Variants in CCSER1 observed in about 807,000 individuals in gnomAD.
The protein encoded by CCSER1 is coiled-coil serine rich protein 1, also known as serine-rich coiled-coil domain-containing protein 1.
In CCSER1, 41 loss-of-function variants were observed where a neutral mutation model predicts 82.0. That is an observed-to-expected ratio of 0.50 (90% CI 0.39 to 0.65). The LOEUF is 0.65. Among genes scored for constraint, CCSER1 ranks in the 30% least tolerant of loss-of-function variants. The pLI is 0.00. For missense variants in CCSER1, 1,119 were observed against 1,064.2 expected (o/e 1.05, Z -0.72); for synonymous variants, 414 against 383.9 (o/e 1.08, Z -0.92).
At chr4:91,306,392 A>G (rs1745075342) in intron 10 of CCSER1, among the ~76,000 whole-genome samples, 1 of 152,060 alleles carries the variant, frequency 6.6e-6, no homozygotes, top group Middle Eastern at 3.2e-3. Flanking sequence ...AAAAAAATAT[A>G]AAGAATTAGT....
intron 9 of CCSER1, among the ~76,000 whole-genome samples, chr4:91,045,016 C>A (rs867796107): frequency 6.6e-6 from 1 of 152,096 alleles, no homozygotes; most frequent in Non-Finnish European, 1.5e-5. Flanking sequence ...TATTATATTA[C>A]TCTTTATTGG....
chr4:90,844,097 TTGTG>T (rs374626530), intron 8 of CCSER1, among the ~76,000 whole-genome samples: 1 of 149,564 alleles, frequency 6.7e-6, no homozygotes, highest in Admixed American at 6.7e-5. Flanking sequence ...CTTCCTCTGT[TTGTG>T]TGTGTGTGTG....
chr4:90,427,233 A>C (rs1757646269), intron 4 of CCSER1, among the ~76,000 whole-genome samples: 3 of 152,018 alleles, frequency 2.0e-5, no homozygotes, highest in Admixed American at 1.3e-4. Flanking sequence ...CTAACATTGG[A>C]GAATTCGGAC....
intron 10 of CCSER1, among the ~76,000 whole-genome samples, chr4:91,173,467 G>A (rs1386710544): frequency 2.0e-5 from 3 of 151,970 alleles, no homozygotes; most frequent in Non-Finnish European, 2.9e-5. Flanking sequence ...GGTGGCATGC[G>A]CCTATAGCCC....
chr4:91,460,567 G>A (rs746408427), intron 10 of CCSER1, among the ~76,000 whole-genome samples: 5 of 152,120 alleles, frequency 3.3e-5, no homozygotes, highest in Non-Finnish European at 7.4e-5. Context: ...TGATGATGGT[G>A]ATGATGATGA....
intron 10 of CCSER1, among the ~76,000 whole-genome samples, chr4:91,258,866 G>A (rs1029306592): frequency 3.3e-5 from 5 of 151,996 alleles, no homozygotes; most frequent in Admixed American, 6.6e-5. Context: ...ACTTGTCCAT[G>A]GTCATCAATG....
intron 3 of CCSER1, among the ~76,000 whole-genome samples, chr4:90,332,567 A>G (rs1008050628): frequency 7.9e-5 from 12 of 152,202 alleles, no homozygotes; most frequent in East Asian, 1.9e-4. Flanking sequence ...CATAGTTACA[A>G]GGAAGTTAGA....
chr4:91,346,207 G>A (rs1456397110), intron 10 of CCSER1, among the ~76,000 whole-genome samples: 1 of 152,028 alleles, frequency 6.6e-6, no homozygotes, highest in Non-Finnish European at 1.5e-5. Flanking sequence ...AGTAGAGACA[G>A]GGTTTCACCA....
intron 6 of CCSER1, among the ~76,000 whole-genome samples, chr4:90,708,130 G>A (rs1739753577): frequency 1.3e-5 from 2 of 152,060 alleles, no homozygotes; most frequent in East Asian, 1.9e-4. Context: ...GATGTTGTTG[G>A]ACCCAGAGGC....
intron 3 of CCSER1, among the ~76,000 whole-genome samples, chr4:90,384,828 C>T (rs1288966143): frequency 6.6e-6 from 1 of 152,102 alleles, no homozygotes; most frequent in Non-Finnish European, 1.5e-5. Flanking sequence ...TTTAGTGTAC[C>T]TATCATCTGA....
chr4:90,300,653 T>C (rs1732919589), intron 1 of CCSER1, among the ~76,000 whole-genome samples: 1 of 152,154 alleles, frequency 6.6e-6, no homozygotes, highest in South Asian at 2.1e-4. Flanking sequence ...GGAAAATATT[T>C]GAAAAGCAAT....
chr4:91,588,284 C>T (rs1764104679), intron 10 of CCSER1, among the ~76,000 whole-genome samples: 1 of 151,096 alleles, frequency 6.6e-6, no homozygotes. Flanking sequence ...TTTTTTCACT[C>T]TATAGTAAGT....
chr4:90,454,540 A>G (rs963011138), intron 4 of CCSER1, among the ~76,000 whole-genome samples: 2 of 152,160 alleles, frequency 1.3e-5, no homozygotes, highest in East Asian at 3.9e-4. Context: ...CTAGTCCTTC[A>G]TAAGCCCTCC....
intron 10 of CCSER1, among the ~76,000 whole-genome samples, chr4:91,341,622 G>T (rs940169472): frequency 6.6e-6 from 1 of 152,056 alleles, no homozygotes; most frequent in African/African-American, 2.4e-5. Context: ...TGCCATGTCG[G>T]CTCACTGCCT....
intron 7 of CCSER1, among the ~76,000 whole-genome samples, chr4:90,732,892 T>C (rs972279991): frequency 6.6e-6 from 1 of 152,224 alleles, no homozygotes; most frequent in Non-Finnish European, 1.5e-5. Flanking sequence ...ATAGTGTTCA[T>C]TGTGTATATG....
At chr4:90,210,087 C>A (rs960369184) in intron 1 of CCSER1, among the ~76,000 whole-genome samples, 1 of 152,038 alleles carries the variant, frequency 6.6e-6, no homozygotes, top group Non-Finnish European at 1.5e-5. Flanking sequence ...CTCTTTTTCC[C>A]TTCCATGCTC....
intron 1 of CCSER1, among the ~76,000 whole-genome samples, chr4:90,276,257 TCC>T (rs1727706757): frequency 2.1e-5 from 2 of 95,346 alleles, no homozygotes; most frequent in Admixed American, 1.1e-4. Flanking sequence ...TTTCTTTCCT[TCC>T]TTCCTTCCTT....
intron 7 of CCSER1, among the ~76,000 whole-genome samples, chr4:90,768,938 A>G (rs1751668686): frequency 6.6e-6 from 1 of 152,174 alleles, no homozygotes; most frequent in Non-Finnish European, 1.5e-5. Flanking sequence ...CTAGAAATCA[A>G]ATAATGCTAA....
intron 5 of CCSER1, among the ~76,000 whole-genome samples, chr4:90,600,969 A>G (rs1366622767): frequency 8.3e-6 from 1 of 120,106 alleles, no homozygotes; most frequent in Non-Finnish European, 1.6e-5. Flanking sequence ...TTTTATTTCA[A>G]ATCTATTTTT....
Sources: allele counts gnomAD v4.1 joint callset (sites outside exome capture counted in the v4.1 genomes callset), GRCh38; gene constraint gnomAD v4.1.1; transcripts MANE v1.5; gene names NCBI Gene and HGNC (gene_info 2026-07-23, HGNC 2026-07-21).